The following SH3RF3 variants were observed in gnomAD, a reference collection of about 807,000 sequenced individuals.
The protein encoded by SH3RF3 is E3 ubiquitin-protein ligase SH3RF3.
A neutral mutation model predicts 66.3 loss-of-function variants in SH3RF3; 29 were observed. The ratio of observed to expected loss-of-function variants is 0.44; its 90% CI spans 0.33 to 0.60. The LOEUF is 0.60. Among genes scored for constraint, SH3RF3 ranks in the 20% least tolerant of loss-of-function variants. The pLI is 0.04. For synonymous variants in SH3RF3, 583 were observed against 532.0 expected, an observed-to-expected ratio of 1.10 and a Z score of -1.32; for missense variants, 1,194 against 1,190.9, an observed-to-expected ratio of 1.00 and a Z score of -0.04.
chr2:109,287,921 C>T (rs1248941552), intron 1 of SH3RF3, among the ~76,000 whole-genome samples: 2 of 152,254 alleles, frequency 1.3e-5, no homozygotes, highest in Non-Finnish European at 2.9e-5. Context: ...CACCTCTCTA[C>T]ATCCAGGACC....
chr2:109,307,814 A>C (rs904070157), intron 1 of SH3RF3, among the ~76,000 whole-genome samples: 4 of 143,860 alleles, frequency 2.8e-5, no homozygotes, highest in African/African-American at 5.5e-5. Flanking sequence ...TTCTTAATCC[A>C]GTCTATCATT....
intron 2 of SH3RF3, among the ~76,000 whole-genome samples, chr2:109,359,486 T>C (rs1683012323): frequency 6.6e-6 from 1 of 152,240 alleles, no homozygotes; most frequent in South Asian, 2.1e-4. Flanking sequence ...CTTGCACATA[T>C]TTTGTTACAC....
At chr2:109,425,698 G>GAAA (rs35729518) in intron 5 of SH3RF3, among the ~76,000 whole-genome samples, 3,322 of 151,570 alleles carry the variant, frequency 0.022, 43 homozygotes, top group Middle Eastern at 0.058. Flanking sequence ...CTACTGCTCA[G>GAAA]AAAAAAAAGA....
intron 9 of SH3RF3, among the ~76,000 whole-genome samples, chr2:109,500,003 G>A (rs75708073): frequency 0.012 from 1,826 of 152,200 alleles, 67 homozygotes; most frequent in Admixed American, 0.074. Context: ...AGTTACAGAT[G>A]GTGGAAGCGG....
At chr2:109,147,667 G>A (rs1012101354) in intron 1 of SH3RF3, among the ~76,000 whole-genome samples, 15 of 152,214 alleles carry the variant, frequency 9.9e-5, no homozygotes, top group African/African-American at 3.4e-4. Flanking sequence ...AATTGCCCAT[G>A]AAGTGACCTT....
At chr2:109,479,708 T>C (rs1678782818) in intron 8 of SH3RF3, among the ~76,000 whole-genome samples, 2 of 152,200 alleles carry the variant, frequency 1.3e-5, no homozygotes, top group Admixed American at 1.3e-4. Flanking sequence ...ATCATTTTCT[T>C]AATGTTAGAA....
chr2:109,402,534 C>T (rs1180758255), intron 4 of SH3RF3, among the ~76,000 whole-genome samples: 3 of 152,240 alleles, frequency 2.0e-5, no homozygotes, highest in East Asian at 3.8e-4. Flanking sequence ...CAGCCCCAGG[C>T]TCCTCGGTGC....
At chr2:109,147,976 T>C (rs1677138413) in intron 1 of SH3RF3, among the ~76,000 whole-genome samples, 2 of 152,202 alleles carry the variant, frequency 1.3e-5, no homozygotes, top group Admixed American at 1.3e-4. Flanking sequence ...CTTTACAGGT[T>C]TGCTTAAGAT....
intron 8 of SH3RF3, among the ~76,000 whole-genome samples, chr2:109,466,072 CTTTTTTTTTT>C (rs1171998206): frequency 0.017 from 1,391 of 82,448 alleles, 42 homozygotes; most frequent in African/African-American, 0.058. Flanking sequence ...ACCTGTACAT[CTTTTTTTTTT>C]TTTTTTTTTT....
intron 9 of SH3RF3, 66 bp from the exon 10 acceptor site, chr2:109,501,437 G>T: frequency 1.5e-6 from 1 of 688,860 alleles, no homozygotes; most frequent in Non-Finnish European, 2.8e-6. Context: ...GAGGGAAGAA[G>T]AGAAAGCACG....
intron 1 of SH3RF3, among the ~76,000 whole-genome samples, chr2:109,162,040 C>A (rs1426136167): frequency 6.6e-6 from 1 of 152,098 alleles, no homozygotes. Flanking sequence ...TGGGATGTGT[C>A]CTCAGGATCT....
chr2:109,187,573 A>G (rs1382591566), intron 1 of SH3RF3, among the ~76,000 whole-genome samples: 2 of 152,208 alleles, frequency 1.3e-5, no homozygotes, highest in Non-Finnish European at 2.9e-5. Flanking sequence ...AGTACAGTCC[A>G]TGCTGCACAG....
chr2:109,150,934 AG>A (rs1677212615), intron 1 of SH3RF3, among the ~76,000 whole-genome samples: 1 of 152,328 alleles, frequency 6.6e-6, no homozygotes, highest in South Asian at 2.1e-4. Context: ...CAAATAAAGA[AG>A]CTAGTTATTT....
chr2:109,383,578 G>T (rs1675750780), intron 3 of SH3RF3, among the ~76,000 whole-genome samples: 1 of 152,100 alleles, frequency 6.6e-6, no homozygotes, highest in Admixed American at 6.5e-5. Context: ...TTAAGATTCG[G>T]GTCCGGGAAA....
At chr2:109,269,687 G>A (rs1680582078) in intron 1 of SH3RF3, among the ~76,000 whole-genome samples, 2 of 152,224 alleles carry the variant, frequency 1.3e-5, no homozygotes, top group Non-Finnish European at 2.9e-5. Context: ...GCTGAGGCAC[G>A]AGATTTGTTT....
chr2:109,238,498 T>A lies in SH3RF3; in HGVS notation c.573+108385T>A, dbSNP rs1022877443. On this transcript the variant is annotated intron_variant, in intron 1 of 9. Coordinates refer to ENST00000309415, the MANE Select transcript of SH3RF3 (RefSeq NM_001099289.3). ...GTGTGTGTGTGTGTGTGTGTGTGTG[T>A]GAGAGTGAGACAGAGCCTCACCTTG... 6.0e-3 allele frequency among the ~76,000 whole-genome samples: 784 copies of A among 131,484 alleles called. 1 individual carries two copies. Among genetic ancestry groups the A allele is most frequent in the Admixed American group, 0.011 (151 of 13,278 alleles). 86.3% of individuals were successfully genotyped at this position (131,484 alleles called of 152,430 possible).
Position 109,490,727 on chromosome 2 carries a change from A to G in SH3RF3, c.2271A>G (p.Gln757=). 2.0e-6 allele frequency: 3 copies of G among 1,535,486 alleles called. No homozygotes were observed. Among genetic ancestry groups the G allele is most frequent in the Non-Finnish European group, 2.6e-6 (3 of 1,145,704 alleles). Residue 757 remains glutamine, a synonymous_variant, in exon 9 of 10, where the codon CAA becomes CAG. Coordinates refer to ENST00000309415, the MANE Select transcript of SH3RF3 (RefSeq NM_001099289.3). Reference sequence around the variant, plus strand: ...AGGTGGCCGTGGACGCCCTGCTCCAAGGTGCAGTGGGCCCCGAAGTGTCCT... The same window carrying G: ...AGGTGGCCGTGGACGCCCTGCTCCAGGGTGCAGTGGGCCCCGAAGTGTCCT... ...DPQVAVDALL[Q]GAVGPEVSSL...
intron 8 of SH3RF3, among the ~76,000 whole-genome samples, chr2:109,474,970 TTTGTTTGTTTG>T (rs1678643947): frequency 6.9e-6 from 1 of 145,334 alleles, no homozygotes; most frequent in Non-Finnish European, 1.6e-5. Flanking sequence ...TTGGGTTTTT[TTTGTTTGTTTG>T]TTTGTTTGTT....
intron 1 of SH3RF3, among the ~76,000 whole-genome samples, chr2:109,130,370 CT>C (rs999705154): frequency 6.6e-6 from 1 of 152,234 alleles, no homozygotes; most frequent in African/African-American, 2.4e-5. Flanking sequence ...CCCCCGATTC[CT>C]TGGCCGGACT....
Sources: gnomAD v4.1 joint callset for allele counts (sites outside exome capture counted in the v4.1 genomes callset) on GRCh38, gnomAD v4.1.1 for gene constraint, MANE v1.5 for transcripts, NCBI Gene and HGNC (gene_info 2026-07-23, HGNC 2026-07-21) for gene names.